SMAD5: variants seen among roughly 807,000 people sequenced by gnomAD.
SMAD5 encodes the protein SMAD family member 5, also known as MAD, mothers against decapentaplegic homolog 5.
Under a neutral mutation model 43.1 loss-of-function variants are expected in SMAD5, and 9 were observed. The observed-to-expected ratio is 0.21, with a 90% CI of 0.13 to 0.36. The LOEUF (loss-of-function observed/expected upper bound fraction) is 0.36. SMAD5 is among the 10% of genes least tolerant of loss of function. SMAD5 has a pLI of 1.00. For missense variants in SMAD5, 348 were observed against 574.0 expected (o/e 0.61, Z 4.02); for synonymous variants, 190 against 192.4 (o/e 0.99, Z 0.10).
rs138762088 is a variant in SMAD5, at chr5:136,165,933, A to G, written c.775+2542A>G. The stretch of plus-strand genomic sequence containing the variant: ...GATCCTGCTTTCATTTCTTTTGAGT[A>G]TATACCAGAAGTACAATTACTGGAT... On this transcript the variant is annotated intron_variant, in intron 5 of 7. Coordinates refer to ENST00000545279, the MANE Select transcript of SMAD5 (RefSeq NM_005903.7). Among the ~76,000 whole-genome samples the G allele has an allele frequency of 1.6e-3, 244 of 151,946 alleles. 2 individuals are homozygous for G. Among genetic ancestry groups the G allele is most frequent in the East Asian group, 9.7e-3 (50 of 5,178 alleles).
intron 2 of SMAD5, among the ~76,000 whole-genome samples, chr5:136,149,479 A>C (rs1753377456): frequency 6.6e-6 from 1 of 151,408 alleles, no homozygotes; most frequent in Admixed American, 6.6e-5. Context: ...ATGAACAGTT[A>C]ATCTTTTTTT....
Position 136,149,139 on chromosome 5 carries a change from A to G in SMAD5, c.-170+1233A>G, listed in dbSNP as rs76570817. Among the ~76,000 whole-genome samples the G allele has an allele frequency of 3.4e-3, 516 of 151,970 alleles. 7 individuals are homozygous for G. The highest frequency in any genetic ancestry group is 0.012 in the African/African-American group (479 of 41,502). Reference sequence around the variant, plus strand: ...TGTAATCTTTCCCTCAGAATATATGAGAATTCTCCATGTTTTACACATACT... The same window carrying G: ...TGTAATCTTTCCCTCAGAATATATGGGAATTCTCCATGTTTTACACATACT... On this transcript the variant is annotated intron_variant, in intron 2 of 7. Transcript: ENST00000545279.
At chr5:136,151,141 T>C (rs189259239) in intron 2 of SMAD5, among the ~76,000 whole-genome samples, 188 of 152,186 alleles carry the variant, frequency 1.2e-3, no homozygotes, top group African/African-American at 4.1e-3. Context: ...ATTTATTTGA[T>C]AAATGGACAC....
At chr5:136,174,168 G>T (rs1754324253) in intron 6 of SMAD5, among the ~76,000 whole-genome samples, 1 of 151,992 alleles carries the variant, frequency 6.6e-6, no homozygotes, top group African/African-American at 2.4e-5. Context: ...TTAATCTGCT[G>T]CCTATTTGAG....
intron 5 of SMAD5, among the ~76,000 whole-genome samples, chr5:136,171,016 A>G (rs1195625150): frequency 6.6e-6 from 1 of 152,158 alleles, no homozygotes; most frequent in Non-Finnish European, 1.5e-5. Context: ...GCAAACAAAG[A>G]CAATTTCCTC....
intron 5 of SMAD5, among the ~76,000 whole-genome samples, chr5:136,166,431 G>A (rs1348753904): frequency 6.6e-6 from 1 of 151,950 alleles, no homozygotes; most frequent in Non-Finnish European, 1.5e-5. Context: ...TTTTGTTAAT[G>A]TTTCTATAAT....
intron 5 of SMAD5, among the ~76,000 whole-genome samples, chr5:136,165,534 T>C (rs1355932273): frequency 6.6e-6 from 1 of 152,042 alleles, no homozygotes; most frequent in Non-Finnish European, 1.5e-5. Flanking sequence ...CTTGTAGTAT[T>C]GAAACTATAC....
rs1168915960 is a variant in SMAD5 at position 136,154,177 on chromosome 5, C to T, written c.403+14C>T. On this transcript the variant is annotated intron_variant, in intron 3 of 7. Transcript: ENST00000545279. ...TGGAGAGTCCAGGTAGGTCTTATTC[C>T]TGAGAAGAATTTGGAAAAACAAAAA... 1.4e-6 allele frequency: 2 copies of T among 1,454,654 alleles called. No homozygotes were observed. The highest frequency in any genetic ancestry group is 1.8e-6 in the Non-Finnish European group (2 of 1,103,594). 90.1% of individuals were successfully genotyped at this position (1,454,654 alleles called of 1,614,324 possible).
At chr5:136,144,217 G>A (rs1322343658) in intron 1 of SMAD5, among the ~76,000 whole-genome samples, 1 of 152,032 alleles carries the variant, frequency 6.6e-6, no homozygotes, top group African/African-American at 2.4e-5. Flanking sequence ...TTTCAAGCTA[G>A]AAGTAGAAAT....
chr5:136,164,916 T>C (rs2149775757), intron 5 of SMAD5, among the ~76,000 whole-genome samples: 1 of 152,308 alleles, frequency 6.6e-6, no homozygotes, highest in African/African-American at 2.4e-5. Context: ...AATGTCTACA[T>C]TAAGTTTTTT....
chr5:136,150,710 A>G (rs1048147783), intron 2 of SMAD5, among the ~76,000 whole-genome samples: 6 of 151,920 alleles, frequency 3.9e-5, no homozygotes, highest in African/African-American at 1.2e-4. Flanking sequence ...GTGGAAGAGT[A>G]ATGGGCAAGA....
chr5:136,163,522 T>C, intron 5 of SMAD5, 131 bp downstream of exon 5: 1 of 612,608 alleles, frequency 1.6e-6, no homozygotes, highest in Non-Finnish European at 2.6e-6. Context: ...AGTGTATGAT[T>C]CAAAGATTTT....
At position 136,182,622 on chromosome 5, in the gene SMAD5, A is replaced by G. The variant is rs1223584638; in HGVS notation, c.*5142A>G. 2.6e-5 allele frequency: 4 copies of G among 152,682 alleles called. No individual in the cohort carries two copies. Among genetic ancestry groups the G allele is most frequent in the Admixed American group, 2.6e-4 (4 of 15,290 alleles). The allele number at this position is 152,682 out of a possible 1,614,324, so 9.5% of individuals were successfully genotyped here. A position where few individuals can be genotyped will look rare whatever the true frequency, so the allele number is the denominator to read the frequency against. On this transcript the variant is annotated 3_prime_UTR_variant, in exon 8 of 8. Transcript: ENST00000545279. ...CTTCAATTCTGTTATTTTGATACTT[A>G]TGAAAATGTATTAGGTTTTACTATA...
intron 4 of SMAD5, among the ~76,000 whole-genome samples, chr5:136,162,970 A>G (rs533698728): frequency 1.3e-5 from 2 of 152,372 alleles, no homozygotes; most frequent in African/African-American, 4.8e-5. Flanking sequence ...CTCTGAACAC[A>G]TAAAAATAAA....
chr5:136,138,544 G>A (rs1752962994), intron 1 of SMAD5, among the ~76,000 whole-genome samples: 1 of 152,202 alleles, frequency 6.6e-6, no homozygotes, highest in Non-Finnish European at 1.5e-5. Flanking sequence ...GGCTTACAAA[G>A]TTGATAGCAG....
intron 3 of SMAD5, among the ~76,000 whole-genome samples, chr5:136,160,416 T>G (rs1753785271): frequency 6.6e-6 from 1 of 152,118 alleles, no homozygotes; most frequent in African/African-American, 2.4e-5. Context: ...CACCCTCCCC[T>G]TCTACCTCTT....
intron 6 of SMAD5, 133 bp from the exon 7 acceptor site, chr5:136,174,243 A>G (rs1754327156): frequency 1.4e-6 from 1 of 697,398 alleles, no homozygotes; most frequent in Admixed American, 2.7e-5. Flanking sequence ...AAGGCCATCT[A>G]GTGGTAACTT....
Position 136,153,795 on chromosome 5 carries a change from G to C in SMAD5, c.35G>C (p.Ser12Thr). ...TSMASLFSFT[S>T]PAVKRLLGWK... ...ATGGCCAGCTTGTTTTCTTTTACTAGTCCAGCAGTAAAGCGATTGTTGGGC... is the reference window on the plus strand; with the variant it reads ...ATGGCCAGCTTGTTTTCTTTTACTACTCCAGCAGTAAAGCGATTGTTGGGC... The change falls in exon 3 of 8, where the codon AGT becomes ACT. Residue 12 changes from serine to threonine, a missense_variant. Physicochemically the swap from Ser to Thr is moderately conservative, Grantham distance 58. This residue lies in a region of SMAD5 where 39 missense variants were observed against 78.5 expected (regional missense o/e 0.50). Coordinates refer to ENST00000545279, the MANE Select transcript of SMAD5 (RefSeq NM_005903.7). 1 of 1,612,774 alleles carries C rather than the reference G, an allele frequency of 6.2e-7. No homozygotes were observed. The highest frequency in any genetic ancestry group is 8.5e-7 in the Non-Finnish European group (1 of 1,179,310).
chr5:136,155,448 T>C (rs1485769824), intron 3 of SMAD5, among the ~76,000 whole-genome samples: 1 of 152,200 alleles, frequency 6.6e-6, no homozygotes, highest in African/African-American at 2.4e-5. Flanking sequence ...TCCTAATTGG[T>C]CTTTCTGCGT....
Sources: allele counts gnomAD v4.1 joint callset (sites outside exome capture counted in the v4.1 genomes callset), GRCh38; gene constraint gnomAD v4.1.1; regional missense constraint gnomAD v4.1.1; transcripts MANE v1.5; gene names NCBI Gene and HGNC (gene_info 2026-07-23, HGNC 2026-07-21).